Variants in WWP2 observed in about 807,000 individuals in gnomAD.
WWP2 encodes the protein NEDD4-like E3 ubiquitin-protein ligase WWP2.
A neutral mutation model predicts 121.0 loss-of-function variants in WWP2; 57 were observed. The observed-to-expected ratio is 0.47, with a 90% CI of 0.38 to 0.59. The LOEUF is 0.59. Among genes scored for constraint, WWP2 ranks in the 20% least tolerant of loss-of-function variants. The probability of loss-of-function intolerance (pLI) is 0.00; values close to 1 mark genes in which losing one functional copy is unlikely to be tolerated. For missense variants in WWP2, 962 were observed against 1,158.9 expected (o/e 0.83, Z 2.47); for synonymous variants, 449 against 441.3 (o/e 1.02, Z -0.22).
rs7189829 is a variant in WWP2, at chr16:69,874,260, G to A, written c.703+2329G>A. ...GGTACAGAACAGTGTCACCTTTGCC[G>A]TGGGGAGCAGGCAGAAGCTCCCCTC... On this transcript the variant is annotated intron_variant, in intron 7 of 23. Transcript: ENST00000359154. Among the ~76,000 whole-genome samples the A allele has an allele frequency of 5.9e-3, 899 of 152,242 alleles. 8 individuals carry two copies. The highest frequency in any genetic ancestry group is 0.02 in the African/African-American group (850 of 41,528).
Position 69,816,438 on chromosome 16 carries a change from T to C in WWP2, c.340+17143T>C, listed in dbSNP as rs2056492008. ...GCTCTATTAAAAAAAAATCTATATC[T>C]ATAACTATATCTATATAATATATAT... On this transcript the variant is annotated intron_variant, in intron 4 of 23. Coordinates refer to ENST00000359154, the MANE Select transcript of WWP2 (RefSeq NM_001270454.2). 6.7e-5 allele frequency among the ~76,000 whole-genome samples: 10 copies of C among 148,300 alleles called. No homozygotes were observed. In the South Asian group the frequency reaches 2.1e-3, roughly 31 times the overall value.
At chr16:69,897,510 A>G (rs76525403) in intron 8 of WWP2, among the ~76,000 whole-genome samples, 2,361 of 152,276 alleles carry the variant, frequency 0.016, 52 homozygotes, top group African/African-American at 0.054. Flanking sequence ...CCCTGTATAC[A>G]GTGATACATG....
intron 1 of WWP2, among the ~76,000 whole-genome samples, chr16:69,763,470 CTG>C (rs1314991757): frequency 1.3e-5 from 2 of 152,216 alleles, no homozygotes; most frequent in Non-Finnish European, 2.9e-5. Context: ...AATGTTCAAA[CTG>C]GACATTCACA....
chr16:69,897,227 C>T (rs1286905607), intron 8 of WWP2, among the ~76,000 whole-genome samples: 4 of 152,016 alleles, frequency 2.6e-5, no homozygotes, highest in African/African-American at 7.3e-5. Context: ...TTCAGCCTCT[C>T]GAGTACCTGA....
intron 6 of WWP2, among the ~76,000 whole-genome samples, chr16:69,846,869 C>G (rs16959266): frequency 0.16 from 24,201 of 151,948 alleles, 2,254 homozygotes; most frequent in East Asian, 0.41. Flanking sequence ...TGGGTGGTGG[C>G]TCCCAAGTGT....
chr16:69,897,333 G>A (rs1202295082), intron 8 of WWP2, among the ~76,000 whole-genome samples: 2 of 152,042 alleles, frequency 1.3e-5, no homozygotes, highest in African/African-American at 4.8e-5. Context: ...GAACTCCTGG[G>A]CTCAAGCAAT....
intron 6 of WWP2, among the ~76,000 whole-genome samples, chr16:69,852,386 C>T (rs2057233222): frequency 6.6e-6 from 1 of 151,970 alleles, no homozygotes; most frequent in South Asian, 2.1e-4. Flanking sequence ...AAGTGATTCT[C>T]CTGCCTCAGC....
At chr16:69,778,971 A>G (rs1418678695) in intron 1 of WWP2, among the ~76,000 whole-genome samples, 1 of 144,428 alleles carries the variant, frequency 6.9e-6, no homozygotes, top group East Asian at 2.1e-4. Context: ...ATTTTTTGAG[A>G]TGGAGTCTCG....
In WWP2 at chr16:69,917,774, C is replaced by T; in HGVS notation, c.1070C>T (p.Thr357Ile). The change falls in exon 10 of 24, where the codon ACC becomes ATC. Residue 357 changes from threonine to isoleucine, a missense_variant. Physicochemically the swap from Thr to Ile is moderately conservative, Grantham distance 89 (BLOSUM62 -1). Coordinates refer to ENST00000359154, the MANE Select transcript of WWP2 (RefSeq NM_001270454.2). ...YYVDHNTRTTTWQRPTAEYVR... is the reference protein window; with the variant it reads ...YYVDHNTRTTIWQRPTAEYVR... ...GTGGATCACAATACTCGGACCACCA[C>T]CTGGCAGCGTCCGACCGCGGAGTAC... The T allele has an allele frequency of 6.2e-7, 1 of 1,613,960 alleles. No homozygotes were observed. The highest frequency in any genetic ancestry group is 8.5e-7 in the Non-Finnish European group (1 of 1,179,774).
intron 6 of WWP2, among the ~76,000 whole-genome samples, chr16:69,846,541 C>T (rs1374035389): frequency 2.0e-5 from 3 of 151,822 alleles, no homozygotes; most frequent in African/African-American, 7.3e-5. Flanking sequence ...GCCAACATGG[C>T]GAAACTTCTT....
At chr16:69,933,834 C>A (rs536904583) in intron 16 of WWP2, 136 bp from the exon 17 acceptor site, 35 of 1,009,932 alleles carry the variant, frequency 3.5e-5, no homozygotes, top group Non-Finnish European at 4.6e-5. Context: ...AGCCCGGGTG[C>A]TTGTCACAGG....
At chr16:69,787,189 T>A in intron 2 of WWP2, 109 bp downstream of exon 2, 2 of 710,974 alleles carry the variant, frequency 2.8e-6, no homozygotes. Context: ...TTTACATGTG[T>A]TAATTATTTA....
intron 6 of WWP2, among the ~76,000 whole-genome samples, chr16:69,855,918 A>G (rs1195209081): frequency 6.6e-6 from 1 of 152,218 alleles, no homozygotes; most frequent in Non-Finnish European, 1.5e-5. Context: ...CTTATGGATG[A>G]ATAGAACGTT....
rs1271184980 is a variant in WWP2, at chr16:69,820,175, G to GGATGATCACCA, written c.341-19951_341-19950insGATGATCACCA. 3.9e-5 allele frequency among the ~76,000 whole-genome samples: 6 copies of GGATGATCACCA among 152,174 alleles called. No individual in the cohort carries two copies. The East Asian group carries it at 1.2e-3, about 29-fold the overall frequency. On this transcript the variant is annotated intron_variant, in intron 4 of 23. Transcript: ENST00000359154. ...CTGAGCTTTGGTGGTCGAGGATGCA[G>GGATGATCACCA]TGAACTGTGATCATGCCACTGTACT... is the stretch of plus-strand genomic sequence containing the variant.
At chr16:69,905,824 G>C (rs1244654600) in intron 8 of WWP2, among the ~76,000 whole-genome samples, 1 of 152,176 alleles carries the variant, frequency 6.6e-6, no homozygotes, top group Non-Finnish European at 1.5e-5. Flanking sequence ...TTTCAGCAAA[G>C]CATGGTGAAA....
chr16:69,848,571 A>G (rs2057131529), intron 6 of WWP2, among the ~76,000 whole-genome samples: 1 of 143,532 alleles, frequency 7.0e-6, no homozygotes, highest in African/African-American at 2.6e-5. Flanking sequence ...CAGGAATTTG[A>G]GGCTATAGTG....
intron 8 of WWP2, 90 bp downstream of exon 8, chr16:69,888,339 C>A: frequency 1.5e-6 from 2 of 1,358,968 alleles, no homozygotes; most frequent in South Asian, 1.4e-5. Flanking sequence ...TATTTATTAC[C>A]TAGTGGCTAG....
At chr16:69,794,078 C>T (rs748068111) in intron 2 of WWP2, among the ~76,000 whole-genome samples, 16 of 152,142 alleles carry the variant, frequency 1.1e-4, no homozygotes, top group Admixed American at 2.6e-4. Context: ...CCACCACGCC[C>T]GGCTAAGTTT....
At chr16:69,822,731 A>C (rs1179096218) in intron 4 of WWP2, among the ~76,000 whole-genome samples, 4 of 152,236 alleles carry the variant, frequency 2.6e-5, no homozygotes, top group Non-Finnish European at 4.4e-5. Context: ...GTCAAGTCAC[A>C]CAGGAGGCCA....
Sources: gnomAD v4.1 joint callset for allele counts (sites outside exome capture counted in the v4.1 genomes callset) on GRCh38, gnomAD v4.1.1 for gene constraint, MANE v1.5 for transcripts, NCBI Gene and HGNC (gene_info 2026-07-23, HGNC 2026-07-21) for gene names.